The following ASAP2 variants were observed in gnomAD, a reference collection of about 807,000 sequenced individuals.
ASAP2 encodes the protein arf-GAP with SH3 domain, ANK repeat and PH domain-containing protein 2.
ASAP2 carries 45 observed loss-of-function variants against 131.4 expected under a neutral mutation model. The observed-to-expected ratio is 0.34, with a 90% CI of 0.27 to 0.44. The LOEUF is 0.44. ASAP2 is among the 20% of genes least tolerant of loss of function. ASAP2 has a pLI of 1.00. For synonymous variants in ASAP2, 510 were observed against 503.0 expected (o/e 1.01, Z -0.19); for missense variants, 1,011 against 1,297.0 (o/e 0.78, Z 3.39).
At chr2:9,243,940 T>C (rs1664161140) in intron 1 of ASAP2, among the ~76,000 whole-genome samples, 1 of 152,172 alleles carries the variant, frequency 6.6e-6, no homozygotes, top group East Asian at 1.9e-4. Flanking sequence ...TTATGAAATA[T>C]GTATATGAAG....
chr2:9,332,866 G>A (rs1271856101), intron 7 of ASAP2, among the ~76,000 whole-genome samples: 2 of 152,060 alleles, frequency 1.3e-5, no homozygotes, highest in Non-Finnish European at 2.9e-5. Context: ...TCTATATTCA[G>A]AAAAAAACGT....
At chr2:9,227,729 G>C (rs1184805468) in intron 1 of ASAP2, among the ~76,000 whole-genome samples, 1 of 152,134 alleles carries the variant, frequency 6.6e-6, no homozygotes, top group African/African-American at 2.4e-5. Flanking sequence ...GTTTTATTGA[G>C]TTAAAAAAAT....
chr2:9,356,875 T>G lies in ASAP2; in HGVS notation c.1327+530T>G, dbSNP rs534277156. On this transcript the variant is annotated intron_variant, in intron 14 of 27. Transcript: ENST00000281419. ...ACATTCTGTGAAATAAGATTTTATT[T>G]TTACATTTTGATAAAGCATATTAGG... is the stretch of plus-strand genomic sequence containing the variant. Among the ~76,000 whole-genome samples the G allele has an allele frequency of 4.6e-5, 7 of 152,320 alleles. No individual in the cohort carries two copies. The South Asian group carries it at 1.5e-3, about 32-fold the overall frequency.
At chr2:9,398,025 T>C (rs139342967) in intron 24 of ASAP2, among the ~76,000 whole-genome samples, 12,498 of 151,490 alleles carry the variant, frequency 0.083, 1,631 homozygotes, top group African/African-American at 0.28. Context: ...CCCAAAGTGC[T>C]GGGATTACAG....
intron 9 of ASAP2, among the ~76,000 whole-genome samples, chr2:9,335,571 G>T (rs1209756067): frequency 6.6e-6 from 1 of 152,144 alleles, no homozygotes; most frequent in Non-Finnish European, 1.5e-5. Context: ...CACGTAGCAG[G>T]GGACCAGCTG....
chr2:9,279,349 A>G lies in ASAP2; in HGVS notation c.159A>G (p.Lys53=). The change falls in exon 2 of 28, where the codon AAA becomes AAG. Residue 53 remains lysine, a synonymous_variant. Transcript: ENST00000281419. Reference sequence around the variant, plus strand: ...ACGTGGACCGGATGGTTCTTTACAAAATGAAGAAATCCGTGAAAGCAATCA... The same window carrying G: ...ACGTGGACCGGATGGTTCTTTACAAGATGAAGAAATCCGTGAAAGCAATCA... ...ALDVDRMVLY[K]MKKSVKAINS... is the part of the protein sequence containing the mutation. The G allele has an allele frequency of 6.2e-7, 1 of 1,614,206 alleles. No individual in the cohort carries two copies. The highest frequency in any genetic ancestry group is 1.1e-5 in the South Asian group (1 of 91,080).
chr2:9,272,852 G>A (rs562336383), intron 1 of ASAP2, among the ~76,000 whole-genome samples: 2 of 152,222 alleles, frequency 1.3e-5, no homozygotes, highest in African/African-American at 4.8e-5. Context: ...TGTAAAAAAT[G>A]AGTTCACTGT....
At chr2:9,365,820 G>A (rs2148680188) in intron 15 of ASAP2, among the ~76,000 whole-genome samples, 1 of 152,316 alleles carries the variant, frequency 6.6e-6, no homozygotes, top group Non-Finnish European at 1.5e-5. Context: ...GCAGGAGGGT[G>A]CCTCATGCCT....
intron 1 of ASAP2, among the ~76,000 whole-genome samples, chr2:9,238,357 G>A (rs146312868): frequency 3.3e-4 from 51 of 152,304 alleles, no homozygotes; most frequent in Admixed American, 2.0e-3. Flanking sequence ...TAGGGGAACC[G>A]CTTGATATTT....
At chr2:9,280,380 G>T (rs576452425) in intron 2 of ASAP2, among the ~76,000 whole-genome samples, 1 of 150,202 alleles carries the variant, frequency 6.7e-6, no homozygotes, top group African/African-American at 2.5e-5. Context: ...AGTTACAATA[G>T]GGCGGGCACA....
chr2:9,271,437 C>T (rs113307685), intron 1 of ASAP2: 3 of 1,420,374 alleles, frequency 2.1e-6, no homozygotes, highest in Non-Finnish European at 3.0e-6. Flanking sequence ...AGGCAAACTT[C>T]TTAAACGCCT....
intron 3 of ASAP2, among the ~76,000 whole-genome samples, chr2:9,304,584 G>A (rs1332711614): frequency 4.0e-5 from 6 of 151,472 alleles, no homozygotes; most frequent in African/African-American, 9.7e-5. Context: ...TGGAGAGGCT[G>A]TAGTCTTGGG....
At chr2:9,297,639 C>T (rs2148396336) in intron 3 of ASAP2, among the ~76,000 whole-genome samples, 194 bp downstream of exon 3, 1 of 152,302 alleles carries the variant, frequency 6.6e-6, no homozygotes, top group East Asian at 1.9e-4. Context: ...TTTAACAAGA[C>T]TTAAAATTCA....
intron 1 of ASAP2, among the ~76,000 whole-genome samples, chr2:9,214,383 G>A (rs1661838623): frequency 6.6e-6 from 1 of 152,108 alleles, no homozygotes; most frequent in South Asian, 2.1e-4. Context: ...GGGATTACAG[G>A]TGACTGCCAC....
At chr2:9,316,039 C>T (rs563845249) in intron 3 of ASAP2, among the ~76,000 whole-genome samples, 3 of 152,226 alleles carry the variant, frequency 2.0e-5, no homozygotes, top group Middle Eastern at 3.4e-3. Context: ...AAAATTTAGT[C>T]CAGGCGTGGT....
chr2:9,215,357 A>G (rs1661946656), intron 1 of ASAP2, among the ~76,000 whole-genome samples: 2 of 152,202 alleles, frequency 1.3e-5, no homozygotes. Context: ...CATGCTCATA[A>G]TGCTTCTTTA....
At chr2:9,251,688 G>A (rs1664720939) in intron 1 of ASAP2, among the ~76,000 whole-genome samples, 1 of 152,048 alleles carries the variant, frequency 6.6e-6, no homozygotes, top group African/African-American at 2.4e-5. Context: ...GGTCTTTCCT[G>A]GGGACCTTCG....
intron 3 of ASAP2, among the ~76,000 whole-genome samples, chr2:9,316,996 TAC>T (rs1328843869): frequency 4.0e-5 from 5 of 124,578 alleles, no homozygotes; most frequent in Non-Finnish European, 6.5e-5. Context: ...TCCACTCTCA[TAC>T]ACTCTCACAA....
At chr2:9,379,759 C>T (rs1674683741) in intron 19 of ASAP2, among the ~76,000 whole-genome samples, 1 of 152,120 alleles carries the variant, frequency 6.6e-6, no homozygotes, top group African/African-American at 2.4e-5. Flanking sequence ...AAATTATAGG[C>T]CGGGTGCAGT....
Sources: allele counts gnomAD v4.1 joint callset (sites outside exome capture counted in the v4.1 genomes callset), GRCh38; gene constraint gnomAD v4.1.1; transcripts MANE v1.5; gene names NCBI Gene and HGNC (gene_info 2026-07-23, HGNC 2026-07-21).